SLC4A10: variants seen among roughly 807,000 people sequenced by gnomAD.
SLC4A10 encodes the protein solute carrier family 4 member 10.
A neutral mutation model predicts 137.7 loss-of-function variants in SLC4A10; 42 were observed. The observed-to-expected ratio is 0.30, with a 90% CI of 0.24 to 0.39. SLC4A10 has a LOEUF of 0.39. Ranked by LOEUF, SLC4A10 falls within the 10% of genes least tolerant of loss-of-function variation. SLC4A10 has a pLI of 1.00. For missense variants in SLC4A10, 925 were observed against 1,355.0 expected (o/e 0.68, Z 4.98); for synonymous variants, 474 against 464.1 (o/e 1.02, Z -0.27).
intron 11 of SLC4A10, among the ~76,000 whole-genome samples, chr2:161,897,952 A>G (rs2063688615): frequency 6.6e-6 from 1 of 152,136 alleles, no homozygotes; most frequent in Non-Finnish European, 1.5e-5. Context: ...TGTGAACAAT[A>G]ATGTTTTTGA....
At chr2:161,768,997 G>A (rs1234525253) in intron 1 of SLC4A10, among the ~76,000 whole-genome samples, 1 of 151,916 alleles carries the variant, frequency 6.6e-6, no homozygotes, top group Non-Finnish European at 1.5e-5. Context: ...CCTGGTATGG[G>A]CGAGCAGGCC....
At chr2:161,903,189 C>A (rs546173937) in intron 12 of SLC4A10, among the ~76,000 whole-genome samples, 24 of 152,204 alleles carry the variant, frequency 1.6e-4, no homozygotes, top group African/African-American at 5.5e-4. Context: ...ACTTTTCCCC[C>A]AAAATAATTA....
At chr2:161,885,850 C>T (rs1408087108) in intron 10 of SLC4A10, among the ~76,000 whole-genome samples, 1 of 152,116 alleles carries the variant, frequency 6.6e-6, no homozygotes, top group African/African-American at 2.4e-5. Context: ...CACCTGTAAT[C>T]CCAGAACTTT....
chr2:161,631,602 T>G (rs1431873570), intron 1 of SLC4A10, among the ~76,000 whole-genome samples: 2 of 151,690 alleles, frequency 1.3e-5, no homozygotes, highest in African/African-American at 4.8e-5. Context: ...GTGCATTTTA[T>G]GTACCAGAGA....
At chr2:161,929,041 A>C (rs1689815837) in intron 15 of SLC4A10, among the ~76,000 whole-genome samples, 1 of 152,134 alleles carries the variant, frequency 6.6e-6, no homozygotes, top group Non-Finnish European at 1.5e-5. Context: ...CAAATTTTCA[A>C]AATATGCAAA....
At chr2:161,639,401 A>G (rs1004961716) in intron 1 of SLC4A10, among the ~76,000 whole-genome samples, 13 of 152,152 alleles carry the variant, frequency 8.5e-5, no homozygotes, top group Non-Finnish European at 1.6e-4. Flanking sequence ...AACTGAACCC[A>G]GCACATCAGA....
intron 2 of SLC4A10, among the ~76,000 whole-genome samples, chr2:161,796,651 A>C (rs2054804915): frequency 6.6e-6 from 1 of 152,200 alleles, no homozygotes; most frequent in South Asian, 2.1e-4. Flanking sequence ...AGAATCTACC[A>C]CATTATCTAT....
chr2:161,641,065 T>C (rs1350471795), intron 1 of SLC4A10, among the ~76,000 whole-genome samples: 1 of 152,156 alleles, frequency 6.6e-6, no homozygotes, highest in Non-Finnish European at 1.5e-5. Flanking sequence ...GAATAATGAA[T>C]GAAATGGTTC....
intron 15 of SLC4A10, among the ~76,000 whole-genome samples, chr2:161,919,824 A>G (rs367564825): frequency 1.3e-5 from 2 of 152,192 alleles, no homozygotes; most frequent in Non-Finnish European, 2.9e-5. Context: ...GAAGACAGAA[A>G]GAGGGAAGAG....
At chr2:161,684,371 T>A (rs1006060647) in intron 1 of SLC4A10, among the ~76,000 whole-genome samples, 11 of 152,160 alleles carry the variant, frequency 7.2e-5, no homozygotes, top group African/African-American at 2.7e-4. Context: ...TCTGTTTAAG[T>A]TTTTCATATT....
chr2:161,914,673 A>C (rs1045862802), intron 15 of SLC4A10, among the ~76,000 whole-genome samples: 3 of 152,116 alleles, frequency 2.0e-5, no homozygotes, highest in African/African-American at 7.2e-5. Flanking sequence ...TTATTATAAA[A>C]GCAGATTTTG....
chr2:161,639,865 T>C (rs911468793), intron 1 of SLC4A10, among the ~76,000 whole-genome samples: 2 of 152,174 alleles, frequency 1.3e-5, no homozygotes, highest in Non-Finnish European at 2.9e-5. Flanking sequence ...ATCTCATATA[T>C]GAAAAACCCT....
intron 15 of SLC4A10, among the ~76,000 whole-genome samples, chr2:161,914,562 C>T (rs909569610): frequency 6.6e-6 from 1 of 152,144 alleles, no homozygotes; most frequent in Non-Finnish European, 1.5e-5. Context: ...GTCTATAAAA[C>T]TTGTTCTAAA....
chr2:161,659,408 G>A (rs1251957323), intron 1 of SLC4A10, among the ~76,000 whole-genome samples: 4 of 152,156 alleles, frequency 2.6e-5, no homozygotes, highest in Non-Finnish European at 5.9e-5. Context: ...AATGGGGAGT[G>A]AGTGATGAGA....
At chr2:161,725,086 A>C (rs928673282) in intron 1 of SLC4A10, among the ~76,000 whole-genome samples, 1 of 152,222 alleles carries the variant, frequency 6.6e-6, no homozygotes, top group Non-Finnish European at 1.5e-5. Context: ...TGAAATGTTC[A>C]TGAGCAAATA....
At chr2:161,794,645 G>A (rs928346340) in intron 2 of SLC4A10, among the ~76,000 whole-genome samples, 13 of 152,132 alleles carry the variant, frequency 8.5e-5, no homozygotes, top group African/African-American at 3.1e-4. Context: ...TCAGCAACTA[G>A]AAAAAGAAAA....
chr2:161,877,935 T>C (rs2061532902), intron 8 of SLC4A10, among the ~76,000 whole-genome samples: 1 of 152,126 alleles, frequency 6.6e-6, no homozygotes, highest in Non-Finnish European at 1.5e-5. Context: ...TATTTTGTGG[T>C]ATCCTTATTC....
chr2:161,903,820 T>C (rs1683683747), intron 12 of SLC4A10, among the ~76,000 whole-genome samples, 184 bp from the exon 13 acceptor site: 1 of 152,162 alleles, frequency 6.6e-6, no homozygotes, highest in Admixed American at 6.5e-5. Flanking sequence ...GGAATTGAGG[T>C]AACGAACGTA....
At chr2:161,756,109 G>A (rs2049611714) in intron 1 of SLC4A10, among the ~76,000 whole-genome samples, 2 of 152,088 alleles carry the variant, frequency 1.3e-5, no homozygotes, top group Non-Finnish European at 2.9e-5. Flanking sequence ...AAAGTATGCT[G>A]TACCATTTGA....
Sources: gnomAD v4.1 joint callset for allele counts (sites outside exome capture counted in the v4.1 genomes callset) on GRCh38, gnomAD v4.1.1 for gene constraint, MANE v1.5 for transcripts, NCBI Gene and HGNC (gene_info 2026-07-23, HGNC 2026-07-21) for gene names.